Variants in NMT1 observed in about 807,000 individuals in gnomAD.
NMT1 encodes glycylpeptide N-tetradecanoyltransferase 1.
Under a neutral mutation model 63.4 loss-of-function variants are expected in NMT1, and 12 were observed. That is an observed-to-expected ratio of 0.19 (90% CI 0.12 to 0.31). NMT1 has a LOEUF of 0.31. Ranked by LOEUF, NMT1 falls within the 10% of genes least tolerant of loss-of-function variation. NMT1 has a pLI of 1.00. For missense variants in NMT1, 432 were observed against 634.6 expected, an observed-to-expected ratio of 0.68 and a Z score of 3.43; for synonymous variants, 228 against 234.3, an observed-to-expected ratio of 0.97 and a Z score of 0.25.
intron 8 of NMT1, among the ~76,000 whole-genome samples, chr17:45,101,261 AC>A (rs1269431071): frequency 1.3e-5 from 2 of 150,760 alleles, no homozygotes; most frequent in Non-Finnish European, 3.0e-5. Context: ...CAAGTGATCC[AC>A]CCACCTCAGC....
At chr17:45,068,739 C>T (rs1020599223) in intron 1 of NMT1, among the ~76,000 whole-genome samples, 6 of 151,814 alleles carry the variant, frequency 4.0e-5, no homozygotes, top group South Asian at 2.1e-4. Flanking sequence ...CTCTGCCTTA[C>T]AGGTTCAAGC....
At chr17:45,079,040 G>T (rs1000823635) in intron 1 of NMT1, among the ~76,000 whole-genome samples, 1 of 151,792 alleles carries the variant, frequency 6.6e-6, no homozygotes, top group Non-Finnish European at 1.5e-5. Flanking sequence ...TACAGATTAG[G>T]ATTCACTGTA....
intron 7 of NMT1, 53 bp from the exon 8 acceptor site, chr17:45,099,352 T>G: frequency 1.6e-6 from 2 of 1,285,134 alleles, no homozygotes; most frequent in Middle Eastern, 1.8e-4. Flanking sequence ...GCCATTGTCC[T>G]TGTAATAGGG....
intron 2 of NMT1, among the ~76,000 whole-genome samples, chr17:45,084,705 C>G (rs1279728636): frequency 6.6e-6 from 1 of 151,286 alleles, no homozygotes; most frequent in Non-Finnish European, 1.5e-5. Context: ...TGGGCTTAAG[C>G]AGTCCTCCCG....
chr17:45,086,485 C>G, intron 2 of NMT1, 23 bp from the exon 3 acceptor site: 1 of 1,586,798 alleles, frequency 6.3e-7, no homozygotes, highest in Non-Finnish European at 8.5e-7. Context: ...GGCCTTTTTT[C>G]TCCCCAACTT....
chr17:45,080,859 C>T (rs1393334596), intron 1 of NMT1, among the ~76,000 whole-genome samples: 2 of 151,976 alleles, frequency 1.3e-5, no homozygotes, highest in African/African-American at 2.4e-5. Flanking sequence ...CTCCACCTCC[C>T]GGGTTCAAGC....
At chr17:45,068,647 TTTTG>T (rs1476741751) in intron 1 of NMT1, among the ~76,000 whole-genome samples, 3 of 152,148 alleles carry the variant, frequency 2.0e-5, no homozygotes, top group Non-Finnish European at 4.4e-5. Flanking sequence ...CTTTAGCGAT[TTTTG>T]TTTGTTTGTT....
At chr17:45,069,049 C>T (rs1360002255) in intron 1 of NMT1, among the ~76,000 whole-genome samples, 2 of 151,754 alleles carry the variant, frequency 1.3e-5, no homozygotes, top group African/African-American at 2.4e-5. Context: ...CAACCTCTGC[C>T]ACCCAGGTTC....
chr17:45,066,580 C>T (rs982528728), intron 1 of NMT1, among the ~76,000 whole-genome samples: 8 of 151,536 alleles, frequency 5.3e-5, no homozygotes, highest in African/African-American at 1.5e-4. Flanking sequence ...ATGGTGAGAC[C>T]CCATCTCTAT....
intron 8 of NMT1, 93 bp from the exon 9 acceptor site, chr17:45,102,857 AG>A (rs2054176577): frequency 2.4e-6 from 3 of 1,227,200 alleles, no homozygotes; most frequent in African/African-American, 3.0e-5. Flanking sequence ...CCGAATGACC[AG>A]GGATTCTCTC....
intron 4 of NMT1, among the ~76,000 whole-genome samples, chr17:45,095,663 C>T (rs1269899118): frequency 3.3e-5 from 5 of 152,074 alleles, no homozygotes; most frequent in Non-Finnish European, 2.9e-5. Flanking sequence ...TCTCAGCTAC[C>T]CAGGAGGCTG....
intron 1 of NMT1, among the ~76,000 whole-genome samples, chr17:45,069,650 A>G (rs902271866): frequency 2.6e-5 from 4 of 152,114 alleles, no homozygotes; most frequent in African/African-American, 9.7e-5. Flanking sequence ...TCTCTTTGAC[A>G]TCTCAGAGGA....
intron 2 of NMT1, chr17:45,083,806 T>A (rs1425272014): frequency 6.6e-6 from 1 of 151,990 alleles, no homozygotes; most frequent in Non-Finnish European, 1.5e-5. Flanking sequence ...AGACATGGGG[T>A]CTCCCTGCAT....
chr17:45,105,080 A>G lies in NMT1; in HGVS notation c.1470+84A>G. On this transcript the variant is annotated intron_variant, in intron 11 of 11. Coordinates refer to ENST00000258960, the MANE Select transcript of NMT1 (RefSeq NM_021079.5). This position sits in a 1 kb window ranked among gnomAD's most constrained non-coding sequence, Gnocchi z 4.2. ...AGAAACCGGGCCATGGGTTGAGGAG[A>G]CAGCCGCAGTCTGGGTCCTTGTTAC... 6.4e-7 allele frequency: 1 copy of G among 1,562,162 alleles called. No homozygotes were observed. Among genetic ancestry groups the G allele is most frequent in the Non-Finnish European group, 8.8e-7 (1 of 1,142,512 alleles).
At chr17:45,099,729 C>G (rs2054149080) in intron 8 of NMT1, 1 of 551,910 alleles carries the variant, frequency 1.8e-6, no homozygotes, top group Non-Finnish European at 3.3e-6. Context: ...GAGTCTGTGC[C>G]TGGACTAGCT....
At chr17:45,094,790 C>G (rs1231964304) in intron 4 of NMT1, among the ~76,000 whole-genome samples, 2 of 147,170 alleles carry the variant, frequency 1.4e-5, no homozygotes, top group East Asian at 4.0e-4. Context: ...GCTGGGATTA[C>G]AGGCAATGAG....
chr17:45,088,767 A>T (rs953380950), intron 3 of NMT1, among the ~76,000 whole-genome samples: 7 of 138,744 alleles, frequency 5.0e-5, no homozygotes, highest in African/African-American at 2.1e-4. Context: ...AATGAATTTA[A>T]AAAAAAAAAA....
At chr17:45,080,609 C>T (rs1018765451) in intron 1 of NMT1, among the ~76,000 whole-genome samples, 4 of 151,152 alleles carry the variant, frequency 2.6e-5, no homozygotes, top group Admixed American at 1.3e-4. Flanking sequence ...GCTGGGACTA[C>T]AGGCGCCCGC....
chr17:45,066,148 G>A (rs559448224), intron 1 of NMT1, among the ~76,000 whole-genome samples: 23 of 152,148 alleles, frequency 1.5e-4, no homozygotes, highest in Non-Finnish European at 3.1e-4. Context: ...CTGCCTCCCG[G>A]GTTCAAGAAA....
Sources: gnomAD v4.1 joint callset for allele counts (sites outside exome capture counted in the v4.1 genomes callset) on GRCh38, gnomAD v4.1.1 for gene constraint, Gnocchi (gnomAD v3.1) non-coding constraint, MANE v1.5 for transcripts, NCBI Gene and HGNC (gene_info 2026-07-23, HGNC 2026-07-21) for gene names.